The following MCHR2 variants were observed in gnomAD, a reference collection of about 807,000 sequenced individuals.
MCHR2 encodes melanin-concentrating hormone receptor 2.
Under a neutral mutation model 24.8 loss-of-function variants are expected in MCHR2, and 15 were observed. The ratio of observed to expected loss-of-function variants is 0.60; its 90% CI spans 0.40 to 0.93. The LOEUF (loss-of-function observed/expected upper bound fraction) is 0.93, where lower values mean the gene tolerates loss of function less well. Among genes scored for constraint, MCHR2 ranks in the 40% least tolerant of loss-of-function variants. MCHR2 has a pLI of 0.00. For missense variants in MCHR2, 386 were observed against 408.7 expected (o/e 0.94, Z 0.48); for synonymous variants, 151 against 147.6 (o/e 1.02, Z -0.17).
intron 5 of MCHR2, among the ~76,000 whole-genome samples, chr6:99,931,143 G>A (rs768255152): frequency 6.6e-6 from 1 of 152,178 alleles, no homozygotes; most frequent in Non-Finnish European, 1.5e-5. Context: ...GGTGGCTGCA[G>A]AACACCGGAT....
chr6:99,939,762 C>G (rs1774736308), intron 4 of MCHR2, among the ~76,000 whole-genome samples: 1 of 150,478 alleles, frequency 6.6e-6, no homozygotes, highest in Non-Finnish European at 1.5e-5. Flanking sequence ...TCTTGTAAGA[C>G]AGATCTGGTG....
chr6:99,990,729 G>T (rs190612623), intron 1 of MCHR2, among the ~76,000 whole-genome samples: 24 of 151,864 alleles, frequency 1.6e-4, no homozygotes, highest in Admixed American at 1.1e-3. Flanking sequence ...CTGGATAAAA[G>T]CCATTTACAT....
chr6:99,983,969 A>AC (rs1403975709), intron 1 of MCHR2, among the ~76,000 whole-genome samples: 1 of 152,146 alleles, frequency 6.6e-6, no homozygotes, highest in Non-Finnish European at 1.5e-5. Context: ...TGGACTCTTT[A>AC]CAAGGGGCTT....
chr6:99,953,641 A>G (rs923348149), intron 2 of MCHR2, among the ~76,000 whole-genome samples: 16 of 150,540 alleles, frequency 1.1e-4, no homozygotes, highest in African/African-American at 3.6e-4. Context: ...CATGAGTTTA[A>G]ATCTCATCTT....
chr6:99,920,943 A>G lies in MCHR2; in HGVS notation c.1020T>C (p.Phe340=). The G allele has an allele frequency of 3.1e-6, 5 of 1,613,706 alleles. No individual in the cohort carries two copies. Among genetic ancestry groups the G allele is most frequent in the Non-Finnish European group, 4.2e-6 (5 of 1,179,786 alleles). Residue 340 remains phenylalanine (F), a synonymous_variant, in exon 6 of 6, where the codon TTT becomes TTC. Coordinates refer to ENST00000281806, the MANE Select transcript of MCHR2 (RefSeq NM_001040179.2). ...NNMGNTLKSH[F] The stretch of plus-strand genomic sequence containing the variant: ...TCATGGTGATCCATGTACTTTCCTA[A>G]AAGTGTGATTTCAGAGTGTTTCCCA...
intron 1 of MCHR2, among the ~76,000 whole-genome samples, chr6:99,979,355 C>G (rs1246387364): frequency 6.6e-6 from 1 of 152,078 alleles, no homozygotes; most frequent in Non-Finnish European, 1.5e-5. Flanking sequence ...TTATTCCTAT[C>G]ACCTAAGACA....
chr6:99,923,063 T>C (rs899368236), intron 5 of MCHR2, among the ~76,000 whole-genome samples: 2 of 152,194 alleles, frequency 1.3e-5, no homozygotes, highest in African/African-American at 4.8e-5. Context: ...CTCTTCAATT[T>C]CTTTCATCAG....
chr6:99,926,955 T>A (rs1774375905), intron 5 of MCHR2, among the ~76,000 whole-genome samples: 1 of 152,222 alleles, frequency 6.6e-6, no homozygotes, highest in African/African-American at 2.4e-5. Flanking sequence ...TCTTCTAGGG[T>A]TTTTATGGTT....
At chr6:99,926,950 T>C (rs1283049004) in intron 5 of MCHR2, among the ~76,000 whole-genome samples, 5 of 152,238 alleles carry the variant, frequency 3.3e-5, no homozygotes, top group Admixed American at 2.6e-4. Context: ...GGTTTTCTTC[T>C]AGGGTTTTTA....
intron 1 of MCHR2, among the ~76,000 whole-genome samples, chr6:99,986,966 T>C (rs139186528): frequency 0.017 from 2,530 of 151,934 alleles, 26 homozygotes; most frequent in Non-Finnish European, 0.025. Flanking sequence ...ATATTTCCCC[T>C]TCCTTGCTTT....
At chr6:99,938,465 A>G (rs1774709473) in intron 4 of MCHR2, among the ~76,000 whole-genome samples, 1 of 152,124 alleles carries the variant, frequency 6.6e-6, no homozygotes. Flanking sequence ...CTAATCATTC[A>G]GGAGCATGTT....
At position 99,974,259 on chromosome 6, in the gene MCHR2, C is replaced by G. The variant is rs1348086339; in HGVS notation, c.-27-18085G>C. ...TATTTCTTGGAAGCTTTGTTTGTTT[C>G]TTTTTATTCTTTTTTCTCCAAACTT... On this transcript the variant is annotated intron_variant, in intron 1 of 5. Coordinates refer to ENST00000281806, the MANE Select transcript of MCHR2 (RefSeq NM_001040179.2). Among the ~76,000 whole-genome samples the G allele has an allele frequency of 2.9e-5, 4 of 136,698 alleles. No individual in the cohort carries two copies. The East Asian group carries it at 1.8e-3, about 63-fold the overall frequency. The allele number at this position is 136,698 out of a possible 152,430, so 89.7% of individuals were successfully genotyped here.
At chr6:99,927,884 G>T (rs868230392) in intron 5 of MCHR2, among the ~76,000 whole-genome samples, 1 of 152,152 alleles carries the variant, frequency 6.6e-6, no homozygotes, top group East Asian at 1.9e-4. Flanking sequence ...TTGAATAGGA[G>T]TGGTGAGAGA....
At chr6:99,983,135 T>G (rs1343572087) in intron 1 of MCHR2, among the ~76,000 whole-genome samples, 3 of 150,978 alleles carry the variant, frequency 2.0e-5, no homozygotes, top group Non-Finnish European at 3.0e-5. Context: ...TAATTTTTGG[T>G]TTTTTTTGGT....
chr6:99,968,811 G>C (rs1323420784), intron 1 of MCHR2, among the ~76,000 whole-genome samples: 3 of 151,438 alleles, frequency 2.0e-5, no homozygotes, highest in Non-Finnish European at 4.4e-5. Flanking sequence ...AATCAAACTA[G>C]AAATCAATAA....
At chr6:99,982,624 G>C (rs1775693244) in intron 1 of MCHR2, among the ~76,000 whole-genome samples, 1 of 151,996 alleles carries the variant, frequency 6.6e-6, no homozygotes, top group Non-Finnish European at 1.5e-5. Flanking sequence ...GGGCAACAGA[G>C]TGAGACCTAC....
At chr6:99,946,136 C>T (rs542431949) in intron 3 of MCHR2, among the ~76,000 whole-genome samples, 1 of 151,842 alleles carries the variant, frequency 6.6e-6, no homozygotes, top group Non-Finnish European at 1.5e-5. Context: ...TACTTTAGGT[C>T]ACTTTTCTAC....
intron 5 of MCHR2, among the ~76,000 whole-genome samples, chr6:99,922,515 G>A (rs1774259618): frequency 6.6e-6 from 1 of 152,154 alleles, no homozygotes. Context: ...AAGTTTCATA[G>A]TTTGAAGTCT....
At chr6:99,931,359 G>C (rs527397989) in intron 5 of MCHR2, among the ~76,000 whole-genome samples, 4 of 152,304 alleles carry the variant, frequency 2.6e-5, no homozygotes, top group African/African-American at 7.2e-5. Context: ...AACCACTGCT[G>C]TCTTCAAAGC....
Sources: allele counts gnomAD v4.1 joint callset (sites outside exome capture counted in the v4.1 genomes callset), GRCh38; gene constraint gnomAD v4.1.1; transcripts MANE v1.5; gene names NCBI Gene and HGNC (gene_info 2026-07-23, HGNC 2026-07-21).